Variants in MPZL2 observed in about 807,000 individuals in gnomAD.
MPZL2 encodes the protein myelin protein zero-like protein 2.
Under a neutral mutation model 24.5 loss-of-function variants are expected in MPZL2, and 32 were observed. The ratio of observed to expected loss-of-function variants is 1.31; its 90% CI spans 0.99 to 1.76. MPZL2 has a LOEUF of 1.76. Ranked by LOEUF, MPZL2 falls within the 40% of genes most tolerant of loss-of-function variation. The probability of loss-of-function intolerance (pLI) is 0.00; values close to 1 mark genes in which losing one functional copy is unlikely to be tolerated. For missense variants in MPZL2, 304 were observed against 274.9 expected (o/e 1.11, Z -0.75); for synonymous variants, 92 against 97.9 (o/e 0.94, Z 0.36).
intron 4 of MPZL2, among the ~76,000 whole-genome samples, chr11:118,258,308 G>A (rs1295136749): frequency 6.6e-6 from 1 of 152,092 alleles, no homozygotes; most frequent in Admixed American, 6.5e-5. Flanking sequence ...TTTAACTTTT[G>A]TTCTTCAAAG....
rs1949644988 is a variant in MPZL2 at position 118,253,683 on chromosome 11, A to G, written c.*1563T>C. ...AAATATCCAGTTATAATATTTTCAA[A>G]GGTTAGAATTGTGAAGAAAAAATAT... On this transcript the variant is annotated 3_prime_UTR_variant, in exon 6 of 6. Coordinates refer to ENST00000278937, the MANE Select transcript of MPZL2 (RefSeq NM_005797.4). 6.6e-6 allele frequency: 1 copy of G among 152,158 alleles called. No individual in the cohort carries two copies. The highest frequency in any genetic ancestry group is 1.5e-5 in the Non-Finnish European group (1 of 67,996). 9.4% of individuals were successfully genotyped at this position (152,158 alleles called of 1,614,324 possible). A position where few individuals can be genotyped will look rare whatever the true frequency, so the allele number is the denominator to read the frequency against.
chr11:118,264,198 G>A lies in MPZL2; in HGVS notation c.-45C>T, dbSNP rs781031061. 2.5e-6 allele frequency: 4 copies of A among 1,599,838 alleles called. No homozygotes were observed. Among genetic ancestry groups the A allele is most frequent in the East Asian group, 2.2e-5 (1 of 44,784 alleles). On this transcript the variant is annotated 5_prime_UTR_variant, in exon 1 of 6. Transcript: ENST00000278937. ...CCCCAGAGACCGGACGGGGCAGACC[G>A]AGGGCTCCAACACCCTGCCAAGGCC...
chr11:118,258,888 C>G (rs1949679782), intron 4 of MPZL2, among the ~76,000 whole-genome samples: 1 of 152,034 alleles, frequency 6.6e-6, no homozygotes, highest in African/African-American at 2.4e-5. Context: ...AGGAGCCAAC[C>G]AACATCGGCG....
Position 118,253,637 on chromosome 11 carries a change from A to C in MPZL2, c.*1609T>G, listed in dbSNP as rs1419036254. 6.6e-6 allele frequency: 1 copy of C among 152,174 alleles called. No individual in the cohort carries two copies. 9.4% of individuals were successfully genotyped at this position (152,174 alleles called of 1,614,324 possible). ...TTCTTCATTATTCTTATGGACCATC[A>C]TCCAGGACATCTGTTTGAAGAAATA... On this transcript the variant is annotated 3_prime_UTR_variant, in exon 6 of 6. Transcript: ENST00000278937.
chr11:118,263,217 C>G, intron 1 of MPZL2, 120 bp from the exon 2 acceptor site: 3 of 1,044,974 alleles, frequency 2.9e-6, no homozygotes, highest in Non-Finnish European at 4.1e-6. Flanking sequence ...ACTGAGATGC[C>G]CCATCTCCCA....
chr11:118,262,907 G>A, intron 2 of MPZL2, 24 bp downstream of exon 2: 1 of 1,609,896 alleles, frequency 6.2e-7, no homozygotes, highest in Non-Finnish European at 8.5e-7. Context: ...AGAGTACCCT[G>A]GAAAATGATG....
chr11:118,263,792 A>G (rs1949720123), intron 1 of MPZL2, among the ~76,000 whole-genome samples: 3 of 152,164 alleles, frequency 2.0e-5, no homozygotes, highest in Admixed American at 1.3e-4. Context: ...TCCAAATGCC[A>G]AGTCCTGCCA....
At chr11:118,255,476 C>G (rs927706909) in intron 5 of MPZL2, among the ~76,000 whole-genome samples, 3 of 152,160 alleles carry the variant, frequency 2.0e-5, no homozygotes, top group Non-Finnish European at 4.4e-5. Flanking sequence ...TGACCCACAA[C>G]TTGTTCACAC....
At chr11:118,260,326 A>G in intron 3 of MPZL2, 125 bp from the exon 4 acceptor site, 1 of 962,660 alleles carries the variant, frequency 1.0e-6, no homozygotes, top group Admixed American at 2.8e-5. Flanking sequence ...TTTATGCATA[A>G]AATAATATAT....
rs1285832551 is a variant in MPZL2 at position 118,257,275 on chromosome 11, G to A, written c.623C>T (p.Ser208Phe). The stretch of plus-strand genomic sequence containing the variant: ...TTAGTCTGTGTCTTCTAAATAAACA[G>A]AGACCTTTTTCTCTTGGTTGAGCCT... ...EERLNQEKKVSVYLEDTD is the reference protein window; with the variant it reads ...EERLNQEKKVFVYLEDTD Residue 208 changes from serine to phenylalanine, a missense_variant, in exon 5 of 6, where the codon TCT (serine) becomes TTT (phenylalanine). Ser to Phe is a radical substitution (Grantham distance 155). Coordinates refer to ENST00000278937, the MANE Select transcript of MPZL2 (RefSeq NM_005797.4). The A allele has an allele frequency of 6.2e-7, 1 of 1,611,842 alleles. No homozygotes were observed. The highest frequency in any genetic ancestry group is 1.7e-5 in the Admixed American group (1 of 59,668).
intron 1 of MPZL2, among the ~76,000 whole-genome samples, chr11:118,263,844 T>G (rs767492021): frequency 1.3e-5 from 2 of 152,082 alleles, no homozygotes; most frequent in Non-Finnish European, 2.9e-5. Flanking sequence ...AAAAATGGCA[T>G]GTAACCTGAG....
intron 5 of MPZL2, 147 bp from the exon 6 acceptor site, chr11:118,255,380 A>G (rs1949654194): frequency 6.6e-6 from 1 of 152,216 alleles, no homozygotes; most frequent in African/African-American, 2.4e-5. Flanking sequence ...TAATTTTTAA[A>G]AGAAGTTTCC....
chr11:118,261,512 A>G (rs1949700390), intron 3 of MPZL2, among the ~76,000 whole-genome samples: 1 of 152,244 alleles, frequency 6.6e-6, no homozygotes, highest in South Asian at 2.1e-4. Flanking sequence ...TAAACACTCA[A>G]TGTATGGTAG....
At chr11:118,259,397 G>GCTTTT (rs1273120828) in intron 4 of MPZL2, 4 of 152,238 alleles carry the variant, frequency 2.6e-5, no homozygotes, top group Non-Finnish European at 4.4e-5. Flanking sequence ...CTAAGTGAAA[G>GCTTTT]AAGCTGGGCA....
intron 4 of MPZL2, 113 bp downstream of exon 4, chr11:118,259,941 T>C: frequency 1.6e-6 from 2 of 1,239,376 alleles, no homozygotes; most frequent in Non-Finnish European, 2.2e-6. Context: ...AATTCTTTTA[T>C]ATAGGATTTA....
intron 3 of MPZL2, among the ~76,000 whole-genome samples, chr11:118,261,309 G>A (rs181698877): frequency 6.6e-6 from 1 of 152,286 alleles, no homozygotes; most frequent in East Asian, 1.9e-4. Context: ...TTATATGTTT[G>A]GAGTAGTGTT....
intron 3 of MPZL2, among the ~76,000 whole-genome samples, chr11:118,261,451 T>TA (rs1949699820): frequency 6.6e-6 from 1 of 152,180 alleles, no homozygotes; most frequent in Non-Finnish European, 1.5e-5. Flanking sequence ...GAGTTCTTAA[T>TA]AAAAAATAAA....
At chr11:118,263,491 T>G (rs557087673) in intron 1 of MPZL2, among the ~76,000 whole-genome samples, 1 of 152,166 alleles carries the variant, frequency 6.6e-6, no homozygotes, top group Non-Finnish European at 1.5e-5. Flanking sequence ...AGGTTAAGCA[T>G]TATGTGTTGT....
Position 118,262,566 on chromosome 11 carries a change from C to G in MPZL2, c.308G>C (p.Arg103Pro), listed in dbSNP as rs200854123. ...CCAGAGAAGGATGGAGGCATCGTACCGCTCAGGATTCCCATCCCAAGACAC... is the reference window on the plus strand; with the variant it reads ...CCAGAGAAGGATGGAGGCATCGTACGGCTCAGGATTCCCATCCCAAGACAC... ...DRVSWDGNPE[R>P]YDASILLWKL... The change falls in exon 3 of 6, where the codon CGG becomes CCG. Residue 103 changes from arginine to proline, a missense_variant. By Grantham distance (103) the Arg-to-Pro change is moderately radical. Transcript: ENST00000278937. The G allele has an allele frequency of 6.2e-7, 1 of 1,614,162 alleles. No individual in the cohort carries two copies. The highest frequency in any genetic ancestry group is 2.2e-5 in the East Asian group (1 of 44,882).
Sources: allele counts gnomAD v4.1 joint callset (sites outside exome capture counted in the v4.1 genomes callset), GRCh38; gene constraint gnomAD v4.1.1; transcripts MANE v1.5; gene names NCBI Gene and HGNC (gene_info 2026-07-23, HGNC 2026-07-21).